SP140L: variants seen among roughly 807,000 people sequenced by gnomAD.
SP140L encodes the protein nuclear body protein SP140-like protein.
In SP140L, 64 loss-of-function variants were observed where a neutral mutation model predicts 84.3. That is an observed-to-expected ratio of 0.76 (90% CI 0.62 to 0.94). SP140L has a LOEUF of 0.94. SP140L is among the 40% of genes least tolerant of loss of function. The pLI, the probability that SP140L is intolerant of heterozygous loss-of-function variation, is 0.00. For missense variants in SP140L, 628 were observed against 692.5 expected, an observed-to-expected ratio of 0.91 and a Z score of 1.05; for synonymous variants, 242 against 236.9, an observed-to-expected ratio of 1.02 and a Z score of -0.20.
chr2:230,336,870 T>C (rs531806676), intron 2 of SP140L, among the ~76,000 whole-genome samples: 58 of 152,320 alleles, frequency 3.8e-4, no homozygotes, highest in African/African-American at 4.8e-4. Flanking sequence ...TTCTGTGCTG[T>C]TTGTATTACT....
Position 230,337,523 on chromosome 2 carries a change from C to G in SP140L, c.107+8692C>G, listed in dbSNP as rs2059914348. On this transcript the variant is annotated intron_variant, in intron 2 of 18. Transcript: ENST00000415673. The stretch of plus-strand genomic sequence containing the variant: ...ATTAGATCCCATTTGTCAATTTTGT[C>G]TTTTGTTGCCATTGCTTTTGGTGTT... Among the ~76,000 whole-genome samples, 5 of 151,448 alleles carry G rather than the reference C, an allele frequency of 3.3e-5. No homozygotes were observed. In the South Asian group the frequency reaches 1.0e-3, roughly 32 times the overall value.
chr2:230,400,811 A>G (rs1190303102), intron 15 of SP140L, 144 bp from the exon 16 acceptor site: 1 of 1,566,870 alleles, frequency 6.4e-7, no homozygotes, highest in African/African-American at 1.3e-5. Flanking sequence ...CCCCATGTGC[A>G]GTTCTTGGAT....
chr2:230,370,927 G>A lies in SP140L; in HGVS notation c.543G>A (p.Pro181=), dbSNP rs370677949. The A allele has an allele frequency of 8.7e-5, 140 of 1,613,580 alleles. 1 individual carries two copies. Among genetic ancestry groups the A allele is most frequent in the South Asian group, 1.9e-4 (17 of 91,002 alleles). ...SLKQGEVPES[P]EARKESDQAC... ...TCTCAGGAGAAGTGCCAGAAAGCCCGGAAGCAAGGAAGGAAAGTGACCAAG... is the reference window on the plus strand; with the variant it reads ...TCTCAGGAGAAGTGCCAGAAAGCCCAGAAGCAAGGAAGGAAAGTGACCAAG... The change falls in exon 6 of 19, where the codon CCG becomes CCA. Residue 181 remains proline (P), a synonymous_variant. Transcript: ENST00000415673.
chr2:230,394,793 G>A (rs957583709), intron 13 of SP140L, among the ~76,000 whole-genome samples: 2 of 152,180 alleles, frequency 1.3e-5, no homozygotes, highest in Non-Finnish European at 2.9e-5. Flanking sequence ...GCCTCTCAGA[G>A]CTTCTCTTCC....
intron 2 of SP140L, among the ~76,000 whole-genome samples, chr2:230,354,848 G>GGAAA (rs61603133): frequency 0.17 from 18,335 of 108,642 alleles, 1,608 homozygotes; most frequent in Non-Finnish European, 0.18. Flanking sequence ...AAGAAAGAAA[G>GGAAA]GAAAGAAAGA....
intron 2 of SP140L, among the ~76,000 whole-genome samples, chr2:230,353,220 C>T (rs556910232): frequency 7.2e-5 from 11 of 152,016 alleles, no homozygotes; most frequent in African/African-American, 2.6e-4. Context: ...TTATCTTTAA[C>T]CCAACACAGT....
At chr2:230,368,269 T>A (rs1415358031) in intron 5 of SP140L, among the ~76,000 whole-genome samples, 1 of 152,230 alleles carries the variant, frequency 6.6e-6, no homozygotes, top group East Asian at 1.9e-4. Flanking sequence ...GGCAGTTTTT[T>A]TCTTCAGCAC....
At chr2:230,337,711 A>G (rs1174321401) in intron 2 of SP140L, among the ~76,000 whole-genome samples, 1 of 152,154 alleles carries the variant, frequency 6.6e-6, no homozygotes, top group Non-Finnish European at 1.5e-5. Flanking sequence ...CTTTCTACAT[A>G]TGGCTAGCCA....
At chr2:230,374,871 A>G (rs1465195788) in intron 7 of SP140L, among the ~76,000 whole-genome samples, 1 of 152,216 alleles carries the variant, frequency 6.6e-6, no homozygotes. Context: ...TAATTTTCAT[A>G]TGCACTGGGA....
chr2:230,339,653 A>G, intron 2 of SP140L, among the ~76,000 whole-genome samples: 1 of 145,508 alleles, frequency 6.9e-6, no homozygotes, highest in African/African-American at 2.6e-5. Flanking sequence ...ATTTCCCTCT[A>G]CACACTGCTT....
intron 10 of SP140L, 23 bp downstream of exon 10, chr2:230,388,656 A>G (rs772344620): frequency 6.4e-7 from 1 of 1,557,566 alleles, no homozygotes; most frequent in Non-Finnish European, 8.7e-7. Flanking sequence ...AGAGGAATGC[A>G]CTTTCAATAA....
At chr2:230,377,260 T>A (rs2061270972) in intron 7 of SP140L, among the ~76,000 whole-genome samples, 1 of 152,064 alleles carries the variant, frequency 6.6e-6, no homozygotes, top group Non-Finnish European at 1.5e-5. Context: ...GTGATCCTCA[T>A]GCCTCAGATT....
Position 230,393,455 on chromosome 2 carries a change from C to T in SP140L, c.1149C>T (p.Asn383=), listed in dbSNP as rs1400273646. ...ATCCTCCAAGAATATATTACAGGAACAAAAAGGTGATTATTACATAATTTT... is the reference window on the plus strand; with the variant it reads ...ATCCTCCAAGAATATATTACAGGAATAAAAAGGTGATTATTACATAATTTT... ...LPNPPRIYYR[N]KKRILKSQNN... is the part of the protein sequence containing the mutation. The change falls in exon 13 of 19, where the codon AAC becomes AAT. Residue 383 remains asparagine (N), a synonymous_variant. Transcript: ENST00000415673. 1.3e-6 allele frequency: 2 copies of T among 1,573,794 alleles called. No homozygotes were observed. The highest frequency in any genetic ancestry group is 1.7e-6 in the Non-Finnish European group (2 of 1,162,586).
intron 5 of SP140L, among the ~76,000 whole-genome samples, chr2:230,367,099 A>G (rs970786432): frequency 1.3e-5 from 2 of 151,946 alleles, no homozygotes; most frequent in Non-Finnish European, 2.9e-5. Flanking sequence ...CTCTAGTGGT[A>G]TGCTTTGACT....
chr2:230,334,054 A>G (rs1182564744), intron 2 of SP140L, among the ~76,000 whole-genome samples: 1 of 152,206 alleles, frequency 6.6e-6, no homozygotes, highest in African/African-American at 2.4e-5. Flanking sequence ...AGAATTCATC[A>G]AGTGTCCATT....
intron 13 of SP140L, among the ~76,000 whole-genome samples, chr2:230,394,445 G>A (rs189359926): frequency 1.3e-5 from 2 of 152,302 alleles, no homozygotes; most frequent in Admixed American, 6.5e-5. Context: ...TGAGATCCAG[G>A]CCTTTACATT....
intron 2 of SP140L, among the ~76,000 whole-genome samples, chr2:230,343,194 A>G (rs2060111790): frequency 8.0e-6 from 1 of 124,652 alleles, no homozygotes; most frequent in Non-Finnish European, 1.8e-5. Flanking sequence ...CTAGGTATTA[A>G]GCCCAACATC....
In SP140L at chr2:230,400,167, G is replaced by C; in HGVS notation, c.1238G>C (p.Gly413Ala). 1 of 1,614,170 alleles carries C rather than the reference G, an allele frequency of 6.2e-7. No individual in the cohort carries two copies. Among genetic ancestry groups the C allele is most frequent in the Non-Finnish European group, 8.5e-7 (1 of 1,180,022 alleles). The change falls in exon 15 of 19, where the codon GGG becomes GCG. Residue 413 changes from glycine to alanine, a missense_variant. Transcript: ENST00000415673. The stretch of plus-strand genomic sequence containing the variant: ...GAGTGTGAGGTGTGCCGGGACGGAG[G>C]GGAGCTGTTCTGTTGCGACACTTGT... ...LDECEVCRDG[G>A]ELFCCDTCSR...
intron 7 of SP140L, among the ~76,000 whole-genome samples, chr2:230,380,395 G>A (rs1820550): frequency 0.71 from 107,943 of 151,992 alleles, 38,910 homozygotes; most frequent in South Asian, 0.76. Context: ...TTTTTTATCC[G>A]CTCAATAACT....
Sources: allele counts gnomAD v4.1 joint callset (sites outside exome capture counted in the v4.1 genomes callset), GRCh38; gene constraint gnomAD v4.1.1; transcripts MANE v1.5; gene names NCBI Gene and HGNC (gene_info 2026-07-23, HGNC 2026-07-21).